Variants in BAZ1A observed in about 807,000 individuals in gnomAD.
The protein encoded by BAZ1A is bromodomain adjacent to zinc finger domain protein 1A.
A neutral mutation model predicts 185.2 loss-of-function variants in BAZ1A; 50 were observed. The observed-to-expected ratio is 0.27, with a 90% CI of 0.22 to 0.34. The LOEUF is 0.34. Ranked by LOEUF, BAZ1A falls within the 10% of genes least tolerant of loss-of-function variation. The probability of loss-of-function intolerance (pLI) is 1.00; values close to 1 mark genes in which losing one functional copy is unlikely to be tolerated. For missense variants in BAZ1A, 1,356 were observed against 1,839.9 expected, an observed-to-expected ratio of 0.74 and a Z score of 4.81; for synonymous variants, 571 against 615.6, an observed-to-expected ratio of 0.93 and a Z score of 1.07.
intron 4 of BAZ1A, among the ~76,000 whole-genome samples, chr14:34,820,824 TCTCTA>T (rs2042078595): frequency 6.6e-6 from 1 of 152,208 alleles, no homozygotes; most frequent in Admixed American, 6.5e-5. Flanking sequence ...GACTATCTTT[TCTCTA>T]CTGTTTTGCC....
At chr14:34,832,068 C>T (rs528116016) in intron 3 of BAZ1A, among the ~76,000 whole-genome samples, 1 of 151,620 alleles carries the variant, frequency 6.6e-6, no homozygotes, top group South Asian at 2.1e-4. Context: ...GTGGTGTGCA[C>T]TTGCAGTCCC....
rs867891479 is a variant in BAZ1A, at chr14:34,766,957, C to A, written c.3302-1689G>T. Among the ~76,000 whole-genome samples the A allele has an allele frequency of 2.6e-5, 4 of 152,086 alleles. No homozygotes were observed. In the East Asian group the frequency reaches 5.8e-4, roughly 22 times the overall value. On this transcript the variant is annotated intron_variant, in intron 21 of 26. Coordinates refer to ENST00000360310, the MANE Select transcript of BAZ1A (RefSeq NM_013448.3). ...TTAAGAAGTTTAAAATATGAATAAC[C>A]AGGCAGTTTGAAAAAGATCCAGTTA...
chr14:34,860,727 G>A (rs898518918), intron 3 of BAZ1A, among the ~76,000 whole-genome samples: 9 of 151,462 alleles, frequency 5.9e-5, no homozygotes, highest in Admixed American at 3.9e-4. Flanking sequence ...ATGAAGTCCC[G>A]TCTCTACTAA....
chr14:34,769,132 C>T (rs997979578), intron 21 of BAZ1A, among the ~76,000 whole-genome samples: 2 of 152,034 alleles, frequency 1.3e-5, no homozygotes, highest in Admixed American at 6.5e-5. Context: ...TGGAGAATTT[C>T]GATATATATT....
intron 16 of BAZ1A, among the ~76,000 whole-genome samples, chr14:34,780,761 AG>A (rs1879984556): frequency 6.6e-6 from 1 of 152,248 alleles, no homozygotes; most frequent in Non-Finnish European, 1.5e-5. Context: ...GGGTGAGATT[AG>A]GCTGGGCCTT....
At chr14:34,797,754 G>T (rs938857937) in intron 9 of BAZ1A, among the ~76,000 whole-genome samples, 1 of 152,296 alleles carries the variant, frequency 6.6e-6, no homozygotes, top group Admixed American at 6.5e-5. Context: ...GCAGAAGACG[G>T]TGATTTCTGC....
chr14:34,768,038 A>G (rs1594816881), intron 21 of BAZ1A, among the ~76,000 whole-genome samples: 1 of 152,100 alleles, frequency 6.6e-6, no homozygotes, highest in Non-Finnish European at 1.5e-5. Context: ...AGTATATACA[A>G]TTGATTCCAT....
chr14:34,814,313 A>G (rs1442710553), intron 4 of BAZ1A, among the ~76,000 whole-genome samples: 2 of 151,752 alleles, frequency 1.3e-5, no homozygotes, highest in Non-Finnish European at 2.9e-5. Context: ...TATTTTATAT[A>G]ACCAATTAAA....
intron 25 of BAZ1A, among the ~76,000 whole-genome samples, chr14:34,758,285 C>T (rs1886356808): frequency 6.9e-6 from 1 of 144,388 alleles, no homozygotes; most frequent in Admixed American, 6.9e-5. Context: ...TCTAAAAATA[C>T]TAAGAAGAAG....
chr14:34,814,235 C>T (rs1302602142), intron 4 of BAZ1A, among the ~76,000 whole-genome samples: 1 of 123,506 alleles, frequency 8.1e-6, no homozygotes, highest in African/African-American at 3.0e-5. Flanking sequence ...AAAATTATTA[C>T]CAGTGGCTAT....
At chr14:34,764,297 T>TC in intron 23 of BAZ1A, among the ~76,000 whole-genome samples, 1 of 145,628 alleles carries the variant, frequency 6.9e-6, no homozygotes, top group Non-Finnish European at 1.5e-5. Context: ...TTCTTTTTTT[T>TC]TTTTTTTTTT....
chr14:34,842,066 A>G (rs7142040), intron 3 of BAZ1A, among the ~76,000 whole-genome samples: 87,315 of 151,952 alleles, frequency 0.57, 25,380 homozygotes, highest in South Asian at 0.67. Flanking sequence ...CTAGAATCTA[A>G]GTCACAAGTC....
intron 9 of BAZ1A, among the ~76,000 whole-genome samples, chr14:34,797,961 C>A (rs530362279): frequency 4.6e-5 from 7 of 152,376 alleles, no homozygotes; most frequent in Non-Finnish European, 8.8e-5. Context: ...TCGGGACACT[C>A]CTGCCCAAAT....
At chr14:34,855,133 G>A (rs2042656388) in intron 3 of BAZ1A, among the ~76,000 whole-genome samples, 1 of 152,052 alleles carries the variant, frequency 6.6e-6, no homozygotes, top group Non-Finnish European at 1.5e-5. Flanking sequence ...GCCTAATGCT[G>A]CTTCCTTATA....
chr14:34,843,225 TG>T (rs768705720), intron 3 of BAZ1A, among the ~76,000 whole-genome samples: 19 of 152,314 alleles, frequency 1.2e-4, no homozygotes, highest in Non-Finnish European at 2.6e-4. Flanking sequence ...CTAGGCACTG[TG>T]GCAGACTGCT....
In BAZ1A at chr14:34,795,739, C is replaced by T; in HGVS notation, c.1155G>A (p.Lys385=). 2 of 1,612,572 alleles carry T rather than the reference C, an allele frequency of 1.2e-6. No individual in the cohort carries two copies. The highest frequency in any genetic ancestry group is 1.1e-5 in the South Asian group (1 of 90,708). ...GTTTTAAGTATTCCACATACTTTCG[C>T]TTTTCTTCACGTAACTTCTCTCTTT... The part of the protein sequence containing the change: ...EKEREKLREE[K]RKYVEYLKQW... Residue 385 remains lysine, a synonymous_variant, in exon 10 of 27, where the codon AAG becomes AAA. Transcript: ENST00000360310.
chr14:34,839,407 T>C (rs565960208), intron 3 of BAZ1A, among the ~76,000 whole-genome samples: 2 of 151,922 alleles, frequency 1.3e-5, no homozygotes, highest in African/African-American at 4.8e-5. Context: ...GGCATGGTAG[T>C]GTGTGCCTGT....
intron 3 of BAZ1A, among the ~76,000 whole-genome samples, chr14:34,850,051 C>T (rs553288637): frequency 9.2e-5 from 14 of 151,992 alleles, no homozygotes; most frequent in South Asian, 6.2e-4. Flanking sequence ...AATATCTGTA[C>T]GCACAAATAG....
chr14:34,845,859 C>CAAAAAAAAAAAAAAA (rs3062591), intron 3 of BAZ1A, among the ~76,000 whole-genome samples: 1 of 115,224 alleles, frequency 8.7e-6, no homozygotes, highest in Non-Finnish European at 1.8e-5. Flanking sequence ...GACTCTGTCT[C>CAAAAAAAAAAAAAAA]AAAAAAAAAA....
Sources: gnomAD v4.1 joint callset for allele counts (sites outside exome capture counted in the v4.1 genomes callset) on GRCh38, gnomAD v4.1.1 for gene constraint, MANE v1.5 for transcripts, NCBI Gene and HGNC (gene_info 2026-07-23, HGNC 2026-07-21) for gene names.